The following PPP4R2 variants were observed in gnomAD, a reference collection of about 807,000 sequenced individuals.
PPP4R2 encodes serine/threonine-protein phosphatase 4 regulatory subunit 2.
A neutral mutation model predicts 47.2 loss-of-function variants in PPP4R2; 13 were observed. The ratio of observed to expected loss-of-function variants is 0.28; its 90% confidence interval spans 0.18 to 0.44. The LOEUF (loss-of-function observed/expected upper bound fraction) is 0.44, where lower values mean the gene tolerates loss of function less well. Ranked by LOEUF, PPP4R2 falls within the 20% of genes least tolerant of loss-of-function variation. The pLI, the probability that PPP4R2 is intolerant of heterozygous loss-of-function variation, is 1.00. For missense variants in PPP4R2, 421 were observed against 491.2 expected, an observed-to-expected ratio of 0.86 and a Z score of 1.35; for synonymous variants, 151 against 163.3, an observed-to-expected ratio of 0.92 and a Z score of 0.57.
rs539206821 is a variant in PPP4R2, at chr3:73,055,730, C to A, written c.288-3307C>A. ...AGGCTGGAGTGCAGTGGCTCAATCT[C>A]GACTCACTGCAACTTGCAACCTCCA... On this transcript the variant is annotated intron_variant, in intron 3 of 8. Transcript: ENST00000356692. Among the ~76,000 whole-genome samples the A allele has an allele frequency of 4.8e-3, 724 of 150,154 alleles. 3 individuals carry two copies. The highest frequency in any genetic ancestry group is 0.017 in the African/African-American group (679 of 40,642).
At chr3:72,997,771 T>G (rs1701380819) in intron 1 of PPP4R2, among the ~76,000 whole-genome samples, 1 of 152,178 alleles carries the variant, frequency 6.6e-6, no homozygotes, top group Admixed American at 6.5e-5. Context: ...TGGGGATTTT[T>G]ATTTTCACTG....
chr3:72,997,142 A>C (rs377470255), intron 1 of PPP4R2, 71 bp downstream of exon 1: 4 of 1,224,446 alleles, frequency 3.3e-6, no homozygotes, highest in African/African-American at 3.1e-5. Flanking sequence ...TTCAGGGCGG[A>C]TGGTTCCGAG....
chr3:73,015,518 C>T (rs1701811335), intron 2 of PPP4R2, among the ~76,000 whole-genome samples: 1 of 150,498 alleles, frequency 6.6e-6, no homozygotes, highest in African/African-American at 2.5e-5. Flanking sequence ...CTCTGTCGCC[C>T]AGGCTGGAGT....
intron 2 of PPP4R2, among the ~76,000 whole-genome samples, chr3:73,006,282 C>G (rs1200472813): frequency 1.3e-5 from 2 of 150,034 alleles, no homozygotes; most frequent in South Asian, 2.1e-4. Context: ...TCACTGCAAC[C>G]TCTGCCTCCA....
intron 2 of PPP4R2, among the ~76,000 whole-genome samples, chr3:73,034,227 A>G (rs1182102180): frequency 1.3e-5 from 2 of 152,056 alleles, no homozygotes; most frequent in African/African-American, 4.8e-5. Flanking sequence ...CCTCCTTTTT[A>G]TAAATGTCTT....
intron 3 of PPP4R2, among the ~76,000 whole-genome samples, chr3:73,049,050 T>G (rs1702553695): frequency 6.6e-6 from 1 of 152,162 alleles, no homozygotes; most frequent in African/African-American, 2.4e-5. Flanking sequence ...ATTTAACCAA[T>G]ATGTGTATAT....
At position 73,002,175 on chromosome 3, in the gene PPP4R2, G is replaced by A. The variant is rs1228476716; in HGVS notation, c.116+4017G>A. 2.6e-5 allele frequency among the ~76,000 whole-genome samples: 4 copies of A among 152,156 alleles called. No individual in the cohort carries two copies. The East Asian group carries it at 7.7e-4, about 29-fold the overall frequency. ...CCATCCATGTTGTTGCAAATGACAG[G>A]ATCTAATTCTTTTTTATTGCTGAAT... On this transcript the variant is annotated intron_variant, in intron 2 of 8. Transcript: ENST00000356692.
At chr3:73,043,482 A>G (rs960154412) in intron 2 of PPP4R2, among the ~76,000 whole-genome samples, 3 of 152,214 alleles carry the variant, frequency 2.0e-5, no homozygotes, top group African/African-American at 4.8e-5. Flanking sequence ...TTGTTGGATT[A>G]CAAATCTGCA....
At chr3:73,033,886 G>A (rs1010551823) in intron 2 of PPP4R2, among the ~76,000 whole-genome samples, 1 of 152,230 alleles carries the variant, frequency 6.6e-6, no homozygotes, top group Non-Finnish European at 1.5e-5. Context: ...GTGTGCGAGT[G>A]TCTAAGTCTG....
At chr3:73,039,026 G>A (rs1702323351) in intron 2 of PPP4R2, among the ~76,000 whole-genome samples, 1 of 152,184 alleles carries the variant, frequency 6.6e-6, no homozygotes, top group Non-Finnish European at 1.5e-5. Context: ...GCCATCTTCA[G>A]ATAGAAGTTT....
intron 7 of PPP4R2, 122 bp downstream of exon 7, chr3:73,064,268 A>G (rs1339685882): frequency 7.4e-6 from 6 of 808,342 alleles, no homozygotes; most frequent in Non-Finnish European, 1.1e-5. Flanking sequence ...CATGCGGTTT[A>G]TAGGAGCACT....
intron 5 of PPP4R2, chr3:73,062,184 A>C: frequency 6.4e-7 from 1 of 1,560,956 alleles, no homozygotes; most frequent in Non-Finnish European, 8.6e-7. Flanking sequence ...TATGATTCTT[A>C]ACAAAATTAA....
Position 73,065,738 on chromosome 3 carries a change from T to G in PPP4R2, c.*16T>G, listed in dbSNP as rs766501418. 5.2e-6 allele frequency: 8 copies of G among 1,542,496 alleles called. No individual in the cohort carries two copies. The highest frequency in any genetic ancestry group is 7.1e-6 in the Non-Finnish European group (8 of 1,132,668). On this transcript the variant is annotated 3_prime_UTR_variant, in exon 9 of 9. Coordinates refer to ENST00000356692, the MANE Select transcript of PPP4R2 (RefSeq NM_174907.4). The stretch of plus-strand genomic sequence containing the variant: ...ACAAGACTAACTATTTAGAAACATT[T>G]AGATGCAGTATTTTACATACAGTTC...
chr3:73,000,415 A>G (rs1701435097), intron 2 of PPP4R2, among the ~76,000 whole-genome samples: 1 of 152,158 alleles, frequency 6.6e-6, no homozygotes, highest in Admixed American at 6.5e-5. Context: ...AGTATGTGAA[A>G]CTGTTTATGG....
chr3:73,018,771 C>T (rs1559552053), intron 2 of PPP4R2, among the ~76,000 whole-genome samples: 1 of 152,134 alleles, frequency 6.6e-6, no homozygotes, highest in Non-Finnish European at 1.5e-5. Flanking sequence ...TTATGGGATA[C>T]CTTCAACTTG....
intron 3 of PPP4R2, among the ~76,000 whole-genome samples, chr3:73,047,739 C>CT (rs1340557205): frequency 1.3e-5 from 2 of 152,172 alleles, no homozygotes; most frequent in East Asian, 1.9e-4. Flanking sequence ...TTTGTTTAGA[C>CT]TTTTTTTGGA....
At chr3:73,044,275 C>G (rs1323054896) in intron 2 of PPP4R2, among the ~76,000 whole-genome samples, 1 of 152,092 alleles carries the variant, frequency 6.6e-6, no homozygotes, top group Non-Finnish European at 1.5e-5. Flanking sequence ...TCCACAGTGA[C>G]TGCATTGTTC....
intron 2 of PPP4R2, among the ~76,000 whole-genome samples, chr3:73,024,492 G>T (rs1404206081): frequency 6.6e-6 from 1 of 152,106 alleles, no homozygotes; most frequent in Non-Finnish European, 1.5e-5. Context: ...TGGGTAGTCT[G>T]CTGGACTCAG....
intron 2 of PPP4R2, among the ~76,000 whole-genome samples, chr3:73,006,604 T>C (rs1303970976): frequency 2.0e-5 from 3 of 152,214 alleles, no homozygotes; most frequent in Non-Finnish European, 4.4e-5. Context: ...CTGCTTTTTT[T>C]TGAACCTTGT....
Sources: allele counts gnomAD v4.1 joint callset (sites outside exome capture counted in the v4.1 genomes callset), GRCh38; gene constraint gnomAD v4.1.1; transcripts MANE v1.5; gene names NCBI Gene and HGNC (gene_info 2026-07-23, HGNC 2026-07-21).